The following PICALM variants were observed in gnomAD, a reference collection of about 807,000 sequenced individuals.
PICALM encodes phosphatidylinositol-binding clathrin assembly protein.
A neutral mutation model predicts 80.5 loss-of-function variants in PICALM; 40 were observed. That is an observed-to-expected ratio of 0.50 (90% CI 0.39 to 0.65). The LOEUF (loss-of-function observed/expected upper bound fraction) is 0.65, where lower values mean the gene tolerates loss of function less well. Among genes scored for constraint, PICALM ranks in the 30% least tolerant of loss-of-function variants. The pLI, the probability that PICALM is intolerant of heterozygous loss-of-function variation, is 0.00. For missense variants in PICALM, 676 were observed against 778.9 expected, an observed-to-expected ratio of 0.87 and a Z score of 1.57; for synonymous variants, 288 against 260.3, an observed-to-expected ratio of 1.11 and a Z score of -1.02.
chr11:86,011,416 C>T (rs548226155), intron 6 of PICALM, among the ~76,000 whole-genome samples: 2 of 152,208 alleles, frequency 1.3e-5, no homozygotes, highest in East Asian at 1.9e-4. Flanking sequence ...TGTGTAAACA[C>T]GTACCACACT....
In PICALM at chr11:86,010,620, C is replaced by A. The variant is rs376433939; in HGVS notation, c.765+410G>T. On this transcript the variant is annotated intron_variant, in intron 7 of 19. Coordinates refer to ENST00000393346, the MANE Select transcript of PICALM (RefSeq NM_007166.4). ...TACAGGTCTGAGCCACGGTGCCCAG[C>A]CAACGAAAACATTTTGAACTATGGC... 2.5e-3 allele frequency among the ~76,000 whole-genome samples: 375 copies of A among 152,264 alleles called. 3 individuals carry two copies. The highest frequency in any genetic ancestry group is 8.6e-3 in the African/African-American group (359 of 41,546).
At chr11:86,040,048 T>C (rs1388008942) in intron 1 of PICALM, among the ~76,000 whole-genome samples, 4 of 150,668 alleles carry the variant, frequency 2.7e-5, no homozygotes, top group Middle Eastern at 3.4e-3. Flanking sequence ...TAAAGTTATG[T>C]TGCAGATGCA....
intron 1 of PICALM, among the ~76,000 whole-genome samples, chr11:86,033,002 A>G (rs1398465229): frequency 6.6e-6 from 1 of 152,212 alleles, no homozygotes. Flanking sequence ...AACAAAACAG[A>G]GTGCCCATGG....
chr11:85,963,002 CA>C (rs1375130238), intron 19 of PICALM, among the ~76,000 whole-genome samples: 1 of 152,068 alleles, frequency 6.6e-6, no homozygotes, highest in Non-Finnish European at 1.5e-5. Context: ...TCAGGAAAAT[CA>C]AGAACAAAAT....
chr11:86,062,506 G>A (rs190836040), intron 1 of PICALM, among the ~76,000 whole-genome samples: 24 of 149,964 alleles, frequency 1.6e-4, no homozygotes, highest in African/African-American at 4.4e-4. Flanking sequence ...CAACAAGAGC[G>A]AAACTCCGTC....
At position 85,996,210 on chromosome 11, in the gene PICALM, T is replaced by C. The variant is rs2094955040; in HGVS notation, c.1258+616A>G. ...ATAAAAACTCATTAGAATAATTAAC[T>C]TATCTTGCTATGAGAGATAAGCCTA... On this transcript the variant is annotated intron_variant, in intron 12 of 19. Coordinates refer to ENST00000393346, the MANE Select transcript of PICALM (RefSeq NM_007166.4). Among the ~76,000 whole-genome samples, 4 of 152,162 alleles carry C rather than the reference T, an allele frequency of 2.6e-5. No homozygotes were observed. The South Asian group carries it at 8.3e-4, about 31-fold the overall frequency.
chr11:85,964,079 A>G (rs887131085), intron 19 of PICALM, among the ~76,000 whole-genome samples: 8 of 152,128 alleles, frequency 5.3e-5, no homozygotes, highest in African/African-American at 1.9e-4. Flanking sequence ...TTACTCCTTC[A>G]TTATACTCCT....
At chr11:86,008,554 A>G (rs1248159215) in intron 7 of PICALM, among the ~76,000 whole-genome samples, 1 of 151,936 alleles carries the variant, frequency 6.6e-6, no homozygotes, top group Non-Finnish European at 1.5e-5. Context: ...CGGGAGGTAG[A>G]GGGTGCAGTG....
In PICALM at chr11:86,018,076, G is replaced by GTATC. The variant is rs543946809; in HGVS notation, c.453-3117_453-3114dup. Among the ~76,000 whole-genome samples the GTATC allele has an allele frequency of 4.2e-3, 635 of 152,254 alleles. 8 individuals carry two copies. The highest frequency in any genetic ancestry group is 0.036 in the South Asian group (174 of 4,824). On this transcript the variant is annotated intron_variant, in intron 4 of 19. Transcript: ENST00000393346. ...TTTAAAAGTCAGTAAACCAGCTAAAGTATCTCACTGAAGTCTCTCATCTAA... is the reference window on the plus strand; with the variant it reads ...TTTAAAAGTCAGTAAACCAGCTAAAGTATCTATCTCACTGAAGTCTCTCATCTAA...
At chr11:86,048,195 G>C (rs530817192) in intron 1 of PICALM, among the ~76,000 whole-genome samples, 1 of 152,152 alleles carries the variant, frequency 6.6e-6, no homozygotes, top group Non-Finnish European at 1.5e-5. Flanking sequence ...AGTATCCCAA[G>C]CTGCTCTATA....
At chr11:86,012,831 G>T (rs1965400) in intron 5 of PICALM, among the ~76,000 whole-genome samples, 24,599 of 151,224 alleles carry the variant, frequency 0.16, 2,305 homozygotes, top group East Asian at 0.47. Context: ...TATATAGGGA[G>T]AATCCTAATA....
At chr11:86,013,920 T>C (rs1268363877) in intron 5 of PICALM, among the ~76,000 whole-genome samples, 1 of 152,182 alleles carries the variant, frequency 6.6e-6, no homozygotes, top group Non-Finnish European at 1.5e-5. Context: ...GTTCCAATAA[T>C]ACTATTGAGG....
intron 1 of PICALM, among the ~76,000 whole-genome samples, chr11:86,062,815 T>A (rs924485471): frequency 2.6e-5 from 4 of 152,170 alleles, no homozygotes; most frequent in African/African-American, 9.7e-5. Flanking sequence ...AGTCCAAAAT[T>A]TTGATTCTCT....
In PICALM at chr11:86,060,006, A is replaced by C. The variant is rs577345677; in HGVS notation, c.130+8645T>G. Among the ~76,000 whole-genome samples the C allele has an allele frequency of 3.9e-5, 6 of 152,342 alleles. No homozygotes were observed. In the East Asian group the frequency reaches 7.7e-4, roughly 20 times the overall value. On this transcript the variant is annotated intron_variant, in intron 1 of 19. Transcript: ENST00000393346. Reference sequence around the variant, plus strand: ...CAGTTTCCTTTCCAAGTCATACTGAACACTCCTTCCAATCTATTTATGGAC... The same window carrying C: ...CAGTTTCCTTTCCAAGTCATACTGACCACTCCTTCCAATCTATTTATGGAC...
rs775440772 is a variant in PICALM, at chr11:86,003,405, A to G, written c.854T>C (p.Leu285Ser). The change falls in exon 9 of 20, where the codon TTG (leucine) becomes TCG (serine). Residue 285 changes from leucine to serine, a missense_variant. Around this residue, in one of 2 missense-constraint regions of PICALM, gnomAD observed 285 missense variants for 395.4 expected, o/e 0.72. Transcript: ENST00000393346. ...AGAATCTTTGATTTTCTTTCCTTCCAAGGAAGCTAAATGTTGTTCCAAAGC... is the reference window on the plus strand; with the variant it reads ...AGAATCTTTGATTTTCTTTCCTTCCGAGGAAGCTAAATGTTGTTCCAAAGC... ...LDALEQHLASLEGKKIKDSTA... is the reference protein window; with the variant it reads ...LDALEQHLASSEGKKIKDSTA... 14 of 1,599,452 alleles carry G rather than the reference A, an allele frequency of 8.8e-6. No homozygotes were observed. In the Admixed American group the frequency reaches 1.8e-4, roughly 21 times the overall value.
chr11:86,022,500 AAG>A (rs763333854), intron 3 of PICALM, 31 bp from the exon 4 acceptor site: 1 of 1,166,400 alleles, frequency 8.6e-7, no homozygotes, highest in Non-Finnish European at 1.2e-6. Context: ...AAACAAAACA[AAG>A]AGAGAGACAA....
chr11:85,966,829 G>C (rs1219515281), intron 19 of PICALM, among the ~76,000 whole-genome samples: 2 of 152,182 alleles, frequency 1.3e-5, no homozygotes, highest in East Asian at 3.8e-4. Context: ...AATGGCTACA[G>C]ATGCAAACTA....
At chr11:85,972,063 G>A (rs778319670) in intron 19 of PICALM, among the ~76,000 whole-genome samples, 3 of 152,036 alleles carry the variant, frequency 2.0e-5, no homozygotes, top group Non-Finnish European at 4.4e-5. Flanking sequence ...GACTACAGGC[G>A]TGAGCCACCG....
intron 13 of PICALM, among the ~76,000 whole-genome samples, chr11:85,986,697 A>G (rs1197722996): frequency 1.3e-5 from 2 of 152,048 alleles, no homozygotes; most frequent in African/African-American, 4.8e-5. Flanking sequence ...GCCCTCGCCA[A>G]CTTTTAATTT....
Sources: gnomAD v4.1 joint callset for allele counts (sites outside exome capture counted in the v4.1 genomes callset) on GRCh38, gnomAD v4.1.1 for gene constraint, gnomAD v4.1.1 regional missense constraint, MANE v1.5 for transcripts, NCBI Gene and HGNC (gene_info 2026-07-23, HGNC 2026-07-21) for gene names.